The following ANKS1B variants were observed in gnomAD, a reference collection of about 807,000 sequenced individuals.
The protein encoded by ANKS1B is ankyrin repeat and sterile alpha motif domain containing 1B.
In ANKS1B, 36 loss-of-function variants were observed where a neutral mutation model predicts 148.3. The observed-to-expected ratio is 0.24, with a 90% CI of 0.19 to 0.32. The LOEUF (loss-of-function observed/expected upper bound fraction) is 0.32. Ranked by LOEUF, ANKS1B falls within the 10% of genes least tolerant of loss-of-function variation. The pLI is 1.00. For missense variants in ANKS1B, 1,157 were observed against 1,542.6 expected (o/e 0.75, Z 4.19); for synonymous variants, 542 against 560.8 (o/e 0.97, Z 0.47).
intron 8 of ANKS1B, among the ~76,000 whole-genome samples, chr12:99,718,386 C>A (rs2057687301): frequency 6.6e-6 from 1 of 152,054 alleles, no homozygotes; most frequent in South Asian, 2.1e-4. Context: ...CCCACCTTAA[C>A]CCACAAGTAT....
At chr12:99,142,165 G>C (rs1346031764) in intron 15 of ANKS1B, among the ~76,000 whole-genome samples, 1 of 151,828 alleles carries the variant, frequency 6.6e-6, no homozygotes, top group Non-Finnish European at 1.5e-5. Context: ...GACTGAGAAG[G>C]TAGGAGGAGA....
chr12:99,555,108 G>T (rs1012624419), intron 9 of ANKS1B, among the ~76,000 whole-genome samples: 1 of 152,072 alleles, frequency 6.6e-6, no homozygotes, highest in Non-Finnish European at 1.5e-5. Flanking sequence ...GAGTAGTGCT[G>T]CAGTGAACAT....
At position 99,218,695 on chromosome 12, in the gene ANKS1B, T is replaced by C. The variant is rs967754207; in HGVS notation, c.2419+25647A>G. On this transcript the variant is annotated intron_variant, in intron 14 of 26. Transcript: ENST00000683438. ...GTTTAAATGACCTTGGGTAAGTTTCTTAATCTCACTTTCCCTCCATTTCAT... is the reference window on the plus strand; with the variant it reads ...GTTTAAATGACCTTGGGTAAGTTTCCTAATCTCACTTTCCCTCCATTTCAT... Among the ~76,000 whole-genome samples, 15 of 152,230 alleles carry C rather than the reference T, an allele frequency of 9.9e-5. 1 individual carries two copies. The highest frequency in any genetic ancestry group is 3.6e-4 in the African/African-American group (15 of 41,466).
intron 9 of ANKS1B, among the ~76,000 whole-genome samples, chr12:99,647,118 T>C (rs1243110216): frequency 6.6e-6 from 1 of 152,148 alleles, no homozygotes; most frequent in East Asian, 1.9e-4. Context: ...TCACTGAACA[T>C]AATTCCATAT....
At chr12:99,903,908 T>C (rs2093687458) in intron 1 of ANKS1B, among the ~76,000 whole-genome samples, 1 of 151,742 alleles carries the variant, frequency 6.6e-6, no homozygotes, top group Non-Finnish European at 1.5e-5. Context: ...TAAAAAAAAA[T>C]AAAAAGTTGC....
chr12:99,972,158 A>C (rs1004424913), intron 1 of ANKS1B, among the ~76,000 whole-genome samples: 1 of 152,184 alleles, frequency 6.6e-6, no homozygotes, highest in Non-Finnish European at 1.5e-5. Flanking sequence ...CCTCGGATAC[A>C]ACAATATTAA....
intron 8 of ANKS1B, among the ~76,000 whole-genome samples, chr12:99,772,350 T>C (rs993487373): frequency 2.0e-5 from 3 of 152,166 alleles, no homozygotes; most frequent in Admixed American, 1.3e-4. Flanking sequence ...ATATTTTATA[T>C]GGCAATATTT....
chr12:98,768,215 T>C (rs564593368), intron 25 of ANKS1B, among the ~76,000 whole-genome samples: 1 of 152,174 alleles, frequency 6.6e-6, no homozygotes, highest in East Asian at 1.9e-4. Context: ...GCTTGGTGCT[T>C]GCTTGTGTGT....
intron 8 of ANKS1B, among the ~76,000 whole-genome samples, chr12:99,694,617 G>A (rs551705860): frequency 2.0e-5 from 3 of 151,954 alleles, no homozygotes; most frequent in Admixed American, 1.3e-4. Context: ...AAAATAATAA[G>A]AGCATAATTA....
chr12:99,662,680 T>A (rs1157722105), intron 8 of ANKS1B, among the ~76,000 whole-genome samples: 1 of 152,234 alleles, frequency 6.6e-6, no homozygotes, highest in East Asian at 1.9e-4. Context: ...AGCATCTATT[T>A]GATTTCATGA....
rs531631185 is a variant in ANKS1B, at chr12:99,851,987, G to A, written c.135-26598C>T. ...TAAGCTATCTATTACATGCATGCCT[G>A]TGGTTGACTAGCACTTTCTGGTATC... On this transcript the variant is annotated intron_variant, in intron 1 of 26. Coordinates refer to ENST00000683438, the MANE Select transcript of ANKS1B (RefSeq NM_001352186.2). Among the ~76,000 whole-genome samples, 7 of 152,266 alleles carry A rather than the reference G, an allele frequency of 4.6e-5. No homozygotes were observed. In the South Asian group the frequency reaches 1.4e-3, roughly 32 times the overall value.
rs191401509 is a variant in ANKS1B, at chr12:99,476,884, A to G, written c.1438+27592T>C. Among the ~76,000 whole-genome samples, 46 of 152,196 alleles carry G rather than the reference A, an allele frequency of 3.0e-4. 1 individual carries two copies. In the East Asian group the frequency reaches 4.3e-3, roughly 14 times the overall value. ...TGGTCTCATCTGAGGCTTGACTGGG[A>G]GAAATTGACTTCAAAGACCACTCAC... On this transcript the variant is annotated intron_variant, in intron 10 of 26. Transcript: ENST00000683438.
chr12:99,756,131 A>T (rs1290341026), intron 8 of ANKS1B, among the ~76,000 whole-genome samples: 3 of 151,848 alleles, frequency 2.0e-5, no homozygotes, highest in Non-Finnish European at 2.9e-5. Context: ...GAGCATTTGA[A>T]TAGGAAGAGA....
At chr12:99,549,278 G>A (rs906917722) in intron 9 of ANKS1B, among the ~76,000 whole-genome samples, 2 of 152,176 alleles carry the variant, frequency 1.3e-5, no homozygotes, top group African/African-American at 4.8e-5. Flanking sequence ...AAGCGTGATG[G>A]CAGAAGACTG....
At chr12:99,535,166 A>G (rs2137190) in intron 9 of ANKS1B, among the ~76,000 whole-genome samples, 38,364 of 152,144 alleles carry the variant, frequency 0.25, 5,095 homozygotes, top group African/African-American at 0.32. Flanking sequence ...GGAATTCTTT[A>G]AGAAGACAAA....
chr12:99,339,451 T>G (rs1455791557), intron 12 of ANKS1B, among the ~76,000 whole-genome samples: 1 of 152,170 alleles, frequency 6.6e-6, no homozygotes, highest in African/African-American at 2.4e-5. Flanking sequence ...TACCTTCTCT[T>G]TCCTAGATAT....
At chr12:99,108,351 C>T (rs779564267) in intron 15 of ANKS1B, among the ~76,000 whole-genome samples, 2 of 152,296 alleles carry the variant, frequency 1.3e-5, no homozygotes, top group South Asian at 4.1e-4. Context: ...CATCTGTCCA[C>T]CTAATGTCCC....
At chr12:99,064,113 C>T (rs1200450303) in intron 16 of ANKS1B, among the ~76,000 whole-genome samples, 1 of 152,154 alleles carries the variant, frequency 6.6e-6, no homozygotes, top group African/African-American at 2.4e-5. Flanking sequence ...ATATTGAAGA[C>T]TCCCAGCTGT....
chr12:99,313,646 A>C (rs1174894677), intron 12 of ANKS1B, among the ~76,000 whole-genome samples: 1 of 152,210 alleles, frequency 6.6e-6, no homozygotes, highest in Admixed American at 6.5e-5. Context: ...CCATCACATA[A>C]ACAGAACCAA....
Sources: allele counts gnomAD v4.1 joint callset (sites outside exome capture counted in the v4.1 genomes callset), GRCh38; gene constraint gnomAD v4.1.1; transcripts MANE v1.5; gene names NCBI Gene and HGNC (gene_info 2026-07-23, HGNC 2026-07-21).